DAB1: variants seen among roughly 807,000 people sequenced by gnomAD.
DAB1 encodes DAB adaptor protein 1.
In DAB1, 15 loss-of-function variants were observed where a neutral mutation model predicts 64.6. The ratio of observed to expected loss-of-function variants is 0.23; its 90% confidence interval spans 0.16 to 0.36. DAB1 has a LOEUF of 0.36. Ranked by LOEUF, DAB1 falls within the 10% of genes least tolerant of loss-of-function variation. The probability of loss-of-function intolerance (pLI) is 1.00; values close to 1 mark genes in which losing one functional copy is unlikely to be tolerated. For synonymous variants in DAB1, 235 were observed against 251.9 expected (o/e 0.93, Z 0.64); for missense variants, 596 against 706.7 (o/e 0.84, Z 1.78).
intron 7 of DAB1, among the ~76,000 whole-genome samples, chr1:57,557,069 TA>T (rs1345582598): frequency 6.6e-6 from 1 of 152,126 alleles, no homozygotes; most frequent in Non-Finnish European, 1.5e-5. Context: ...TTGAAGGACA[TA>T]AAGTATTGAT....
intron 4 of DAB1, among the ~76,000 whole-genome samples, chr1:58,230,665 A>G (rs1003319535): frequency 1.4e-4 from 22 of 152,368 alleles, no homozygotes; most frequent in African/African-American, 5.0e-4. Flanking sequence ...CAACAGCTCC[A>G]GAAAAATATC....
At chr1:57,781,207 G>A (rs944164153) in intron 6 of DAB1, among the ~76,000 whole-genome samples, 11 of 132,264 alleles carry the variant, frequency 8.3e-5, no homozygotes, top group Admixed American at 1.7e-4. Flanking sequence ...GCTTTATAAC[G>A]TGATTCCATA....
intron 14 of DAB1, among the ~76,000 whole-genome samples, chr1:57,000,134 C>G (rs979484377): frequency 6.6e-6 from 1 of 150,774 alleles, no homozygotes; most frequent in Non-Finnish European, 1.5e-5. Flanking sequence ...AGCTTGGCCT[C>G]CCAGGTTCAC....
At chr1:58,513,254 G>C (rs2100432471) in intron 2 of DAB1, among the ~76,000 whole-genome samples, 1 of 152,288 alleles carries the variant, frequency 6.6e-6, no homozygotes, top group South Asian at 2.1e-4. Flanking sequence ...CTTCTGCTAT[G>C]TAAGACATAC....
At chr1:57,886,599 C>T (rs1644227268), upstream of DAB1, among the ~76,000 whole-genome samples, 1 of 152,206 alleles carries the variant, frequency 6.6e-6, no homozygotes. Flanking sequence ...CTCTGTAAGT[C>T]ATAGCTGCTG....
At chr1:58,261,512 G>A (rs902063692) in intron 4 of DAB1, among the ~76,000 whole-genome samples, 1 of 152,084 alleles carries the variant, frequency 6.6e-6, no homozygotes, top group African/African-American at 2.4e-5. Context: ...GAAGGAAAAT[G>A]GATCTGAGTG....
chr1:57,010,336 C>G (rs980043123), intron 14 of DAB1, among the ~76,000 whole-genome samples: 3 of 152,130 alleles, frequency 2.0e-5, no homozygotes, highest in Non-Finnish European at 4.4e-5. Flanking sequence ...CCACGCAGAA[C>G]ATATTATTAA....
chr1:58,065,005 C>G (rs1210178459), intron 5 of DAB1, among the ~76,000 whole-genome samples: 1 of 152,166 alleles, frequency 6.6e-6, no homozygotes. Flanking sequence ...CCACCGCGCC[C>G]GGCCAACAAT....
At chr1:57,788,709 A>T (rs1417238995) in intron 6 of DAB1, among the ~76,000 whole-genome samples, 1 of 152,172 alleles carries the variant, frequency 6.6e-6, no homozygotes, top group Non-Finnish European at 1.5e-5. Context: ...GGGACAACTC[A>T]CTTTTCCTTT....
intron 2 of DAB1, among the ~76,000 whole-genome samples, chr1:57,271,412 A>T (rs1222133585): frequency 2.6e-5 from 4 of 152,178 alleles, no homozygotes; most frequent in Non-Finnish European, 5.9e-5. Context: ...TCGTGTTGCC[A>T]CTGGGAAGTA....
chr1:57,146,720 G>A (rs1436629382), intron 2 of DAB1, among the ~76,000 whole-genome samples: 1 of 152,010 alleles, frequency 6.6e-6, no homozygotes, highest in African/African-American at 2.4e-5. Context: ...TTATTCACTG[G>A]CAACAGATGA....
intron 2 of DAB1, among the ~76,000 whole-genome samples, chr1:57,149,486 C>T (rs1488270280): frequency 8.5e-5 from 13 of 152,144 alleles, no homozygotes; most frequent in Admixed American, 8.5e-4. Context: ...GATGTTCTTC[C>T]CAACATCTGT....
intron 2 of DAB1, among the ~76,000 whole-genome samples, chr1:57,213,333 T>G (rs546640085): frequency 6.6e-6 from 1 of 152,210 alleles, no homozygotes; most frequent in Non-Finnish European, 1.5e-5. Context: ...GAAATCTGCA[T>G]GTATTTTGCA....
At chr1:57,234,207 C>T (rs1667918751) in intron 2 of DAB1, among the ~76,000 whole-genome samples, 2 of 152,092 alleles carry the variant, frequency 1.3e-5, no homozygotes, top group African/African-American at 4.8e-5. Context: ...ACTTTAAAAG[C>T]ATTCATGAGG....
chr1:57,938,591 A>T (rs1361826867), intron 5 of DAB1, among the ~76,000 whole-genome samples: 1 of 152,142 alleles, frequency 6.6e-6, no homozygotes, highest in Non-Finnish European at 1.5e-5. Flanking sequence ...TCCTGCCATG[A>T]TTGTAAGTTT....
At chr1:57,532,760 G>A (rs1389704414) in intron 7 of DAB1, among the ~76,000 whole-genome samples, 1 of 152,148 alleles carries the variant, frequency 6.6e-6, no homozygotes, top group African/African-American at 2.4e-5. Context: ...TCATTTAAAG[G>A]GCAGTCCACC....
At chr1:57,387,916 T>A (rs1369029851) in intron 1 of DAB1, among the ~76,000 whole-genome samples, 1 of 151,488 alleles carries the variant, frequency 6.6e-6, no homozygotes. Flanking sequence ...AAGATGAAAT[T>A]AAGTGTCTTC....
chr1:57,242,477 T>C (rs754262397), intron 2 of DAB1, among the ~76,000 whole-genome samples: 25 of 152,266 alleles, frequency 1.6e-4, no homozygotes, highest in Middle Eastern at 3.4e-3. Context: ...TCATAACACG[T>C]GGTCGATTAG....
intron 7 of DAB1, among the ~76,000 whole-genome samples, chr1:57,454,576 A>G (rs564945896): frequency 6.6e-6 from 1 of 152,222 alleles, no homozygotes; most frequent in Admixed American, 6.5e-5. Flanking sequence ...TACCTGGGTG[A>G]TGACATAATC....
Sources: gnomAD v4.1 joint callset for allele counts (sites outside exome capture counted in the v4.1 genomes callset) on GRCh38, gnomAD v4.1.1 for gene constraint, MANE v1.5 for transcripts, NCBI Gene and HGNC (gene_info 2026-07-23, HGNC 2026-07-21) for gene names.